The following RC3H1 variants were observed in gnomAD, a reference collection of about 807,000 sequenced individuals.
RC3H1 encodes the protein roquin-1.
A neutral mutation model predicts 138.2 loss-of-function variants in RC3H1; 50 were observed. The ratio of observed to expected loss-of-function variants is 0.36; its 90% CI spans 0.29 to 0.46. The LOEUF is 0.46. RC3H1 is among the 20% of genes least tolerant of loss of function. RC3H1 has a pLI of 1.00. For synonymous variants in RC3H1, 462 were observed against 489.1 expected (o/e 0.94, Z 0.73); for missense variants, 1,031 against 1,388.1 (o/e 0.74, Z 4.09).
At chr1:173,953,901 T>A (rs765519254) in intron 13 of RC3H1, among the ~76,000 whole-genome samples, 9 of 152,024 alleles carry the variant, frequency 5.9e-5, no homozygotes, top group Non-Finnish European at 1.3e-4. Flanking sequence ...TAGCTGGGCG[T>A]GTTGGTGCAT....
intron 1 of RC3H1, among the ~76,000 whole-genome samples, chr1:173,997,250 T>C (rs1164157920): frequency 6.6e-6 from 1 of 152,056 alleles, no homozygotes; most frequent in Non-Finnish European, 1.5e-5. Flanking sequence ...AAAAACTTAA[T>C]GGCAGTTACA....
intron 1 of RC3H1, among the ~76,000 whole-genome samples, chr1:174,018,891 T>C (rs1661910485): frequency 6.6e-6 from 1 of 152,158 alleles, no homozygotes; most frequent in Non-Finnish European, 1.5e-5. Context: ...AAGAGTGGAC[T>C]GATTAGACCC....
chr1:174,017,808 A>AAAAAAAAAAAAAAAAAAAAT (rs1661889839), intron 1 of RC3H1, among the ~76,000 whole-genome samples: 1 of 146,148 alleles, frequency 6.8e-6, no homozygotes, highest in African/African-American at 2.5e-5. Context: ...AAAAAAAAAA[A>AAAAAAAAAAAAAAAAAAAAT]AACTGCTACC....
chr1:173,961,053 T>C, intron 13 of RC3H1, 24 bp downstream of exon 13: 2 of 1,606,878 alleles, frequency 1.2e-6, no homozygotes, highest in Non-Finnish European at 1.7e-6. Context: ...CACGGATAAA[T>C]GAGACTAAAA....
At chr1:173,966,465 C>A (rs1374955986) in intron 9 of RC3H1, among the ~76,000 whole-genome samples, 1 of 152,118 alleles carries the variant, frequency 6.6e-6, no homozygotes, top group African/African-American at 2.4e-5. Flanking sequence ...CCTGTAATCC[C>A]AGCACTTTGG....
At chr1:173,941,916 A>AGT (rs1213949228) in intron 18 of RC3H1, among the ~76,000 whole-genome samples, 1 of 145,428 alleles carries the variant, frequency 6.9e-6, no homozygotes, top group African/African-American at 2.6e-5. Context: ...TGGGTGACAG[A>AGT]GTGAGACTCC....
At chr1:173,950,815 T>A (rs1011579323) in intron 14 of RC3H1, among the ~76,000 whole-genome samples, 1 of 151,852 alleles carries the variant, frequency 6.6e-6, no homozygotes, top group Admixed American at 6.6e-5. Flanking sequence ...GGAGGATCAC[T>A]TGAGGCCAGG....
intron 13 of RC3H1, among the ~76,000 whole-genome samples, chr1:173,957,513 T>C (rs1659698275): frequency 6.6e-6 from 1 of 152,186 alleles, no homozygotes; most frequent in South Asian, 2.1e-4. Flanking sequence ...GGGTGTACTC[T>C]AATAAAGAAT....
chr1:173,950,801 G>A (rs1392564918), intron 14 of RC3H1, among the ~76,000 whole-genome samples: 2 of 152,020 alleles, frequency 1.3e-5, no homozygotes, highest in South Asian at 2.1e-4. Flanking sequence ...GGGAGGGAGA[G>A]GCGGGAGGAT....
chr1:173,937,668 T>A lies in RC3H1; in HGVS notation c.*1053A>T, dbSNP rs571584462. ...CAACAAGTGATCAATTCATAAACTATCCTTAAGACTCAATCAGTTCACAAG... is the reference window on the plus strand; with the variant it reads ...CAACAAGTGATCAATTCATAAACTAACCTTAAGACTCAATCAGTTCACAAG... On this transcript the variant is annotated 3_prime_UTR_variant, in exon 20 of 20. Transcript: ENST00000367696. 4 of 152,184 alleles carry A rather than the reference T, an allele frequency of 2.6e-5. No individual in the cohort carries two copies. Among genetic ancestry groups the A allele is most frequent in the Non-Finnish European group, 5.9e-5 (4 of 68,030 alleles). 9.4% of individuals were successfully genotyped at this position (152,184 alleles called of 1,614,324 possible).
At chr1:173,971,369 T>C (rs1046950593) in intron 8 of RC3H1, among the ~76,000 whole-genome samples, 4 of 152,238 alleles carry the variant, frequency 2.6e-5, no homozygotes, top group African/African-American at 4.8e-5. Context: ...TATAGCTATA[T>C]GTATGTTTCC....
chr1:173,956,965 G>A (rs1659676708), intron 13 of RC3H1, among the ~76,000 whole-genome samples: 1 of 151,972 alleles, frequency 6.6e-6, no homozygotes, highest in African/African-American at 2.4e-5. Context: ...CCAGGCTGGA[G>A]TGCAGTGGTG....
rs993588273 is a variant in RC3H1, at chr1:173,941,363, C to T, written c.3153G>A (p.Leu1051=). The T allele has an allele frequency of 1.2e-6, 2 of 1,610,938 alleles. No individual in the cohort carries two copies. Among genetic ancestry groups the T allele is most frequent in the South Asian group, 1.1e-5 (1 of 90,952 alleles). Residue 1051 remains leucine, a synonymous_variant, in exon 19 of 20, where the codon CTG becomes CTA. Coordinates refer to ENST00000367696, the MANE Select transcript of RC3H1 (RefSeq NM_172071.4). ...TTGTATTCAGTTTGCTTTTCATGTC[C>T]AGAGAACACTGGTTTTCCTTTGAAA... ...RELSMENQCS[L]DMKSKLNTSK... is the part of the protein sequence containing the mutation.
At chr1:173,992,029 A>C (rs1370631959) in intron 2 of RC3H1, among the ~76,000 whole-genome samples, 2 of 152,134 alleles carry the variant, frequency 1.3e-5, no homozygotes, top group African/African-American at 2.4e-5. Flanking sequence ...CATTTCAGTT[A>C]ATGTCTACTG....
chr1:174,021,787 C>A (rs1661967137), intron 1 of RC3H1, among the ~76,000 whole-genome samples: 1 of 152,204 alleles, frequency 6.6e-6, no homozygotes, highest in Admixed American at 6.5e-5. Context: ...ACCACAGGAG[C>A]CAGGTAGCCC....
chr1:173,989,709 A>ACTTTTTTTTTTTTTTTTTTTTTTTTTT (rs1557946003), intron 2 of RC3H1, among the ~76,000 whole-genome samples: 1 of 137,860 alleles, frequency 7.3e-6, no homozygotes, highest in African/African-American at 2.8e-5. Context: ...TGTTTATTCA[A>ACTTTTTTTTTTTTTTTTTTTTTTTTTT]GTTTTTTTTT....
chr1:173,981,798 G>T lies in RC3H1; in HGVS notation c.769-789C>A, dbSNP rs192561654. Among the ~76,000 whole-genome samples the T allele has an allele frequency of 9.2e-5, 14 of 152,250 alleles. No homozygotes were observed. The South Asian group carries it at 1.0e-3, about 11-fold the overall frequency. Reference sequence around the variant, plus strand: ...TAATCATAATGATTATGATTAGAAGGCTGGAGGCAGGAGAATTGCTTGACC... The same window carrying T: ...TAATCATAATGATTATGATTAGAAGTCTGGAGGCAGGAGAATTGCTTGACC... On this transcript the variant is annotated intron_variant, in intron 5 of 19. Coordinates refer to ENST00000367696, the MANE Select transcript of RC3H1 (RefSeq NM_172071.4).
At chr1:173,987,021 G>T (rs533836087) in intron 2 of RC3H1, among the ~76,000 whole-genome samples, 5 of 152,228 alleles carry the variant, frequency 3.3e-5, no homozygotes, top group Middle Eastern at 3.4e-3. Flanking sequence ...GTATATTGGG[G>T]TTATGGATTT....
rs1658473096 is a variant in RC3H1 at position 173,933,693 on chromosome 1, A to G, written c.*5028T>C. On this transcript the variant is annotated 3_prime_UTR_variant, in exon 20 of 20. Transcript: ENST00000367696. ...TTCATAAACCTGAGCTGAAGCAACA[A>G]ATAAATATAAAAATCATAGCTGTCC... 1 of 152,194 alleles carries G rather than the reference A, an allele frequency of 6.6e-6. No homozygotes were observed. The highest frequency in any genetic ancestry group is 2.1e-4 in the South Asian group (1 of 4,838). The allele number at this position is 152,194 out of a possible 1,614,324, so 9.4% of individuals were successfully genotyped here.
Sources: gnomAD v4.1 joint callset for allele counts (sites outside exome capture counted in the v4.1 genomes callset) on GRCh38, gnomAD v4.1.1 for gene constraint, MANE v1.5 for transcripts, NCBI Gene and HGNC (gene_info 2026-07-23, HGNC 2026-07-21) for gene names.